The following PAQR8 variants were observed in gnomAD, a reference collection of about 807,000 sequenced individuals.
PAQR8 encodes the protein progestin and adipoQ receptor family member 8.
PAQR8 carries 17 observed loss-of-function variants against 25.2 expected under a neutral mutation model. That is an observed-to-expected ratio of 0.67 (90% CI 0.46 to 1.01). The LOEUF is 1.01. Among genes scored for constraint, PAQR8 ranks in the 50% least tolerant of loss-of-function variants. PAQR8 has a pLI of 0.00. For synonymous variants in PAQR8, 204 were observed against 190.6 expected (o/e 1.07, Z -0.58); for missense variants, 392 against 448.4 (o/e 0.87, Z 1.14).
At chr6:52,401,153 T>C (rs868059947) in intron 1 of PAQR8, among the ~76,000 whole-genome samples, 1 of 152,226 alleles carries the variant, frequency 6.6e-6, no homozygotes, top group African/African-American at 2.4e-5. Context: ...TTAATTTTCA[T>C]GCCCTACACT....
intron 1 of PAQR8, among the ~76,000 whole-genome samples, chr6:52,387,783 G>T (rs557205978): frequency 2.0e-5 from 3 of 152,366 alleles, no homozygotes; most frequent in African/African-American, 7.2e-5. Context: ...CAGTGGGCGA[G>T]TAAGCAAAGC....
At chr6:52,392,000 A>G (rs995166982) in intron 1 of PAQR8, among the ~76,000 whole-genome samples, 1 of 152,228 alleles carries the variant, frequency 6.6e-6, no homozygotes, top group Non-Finnish European at 1.5e-5. Context: ...AGAATTTTAC[A>G]GTATTAGAGC....
intron 1 of PAQR8, among the ~76,000 whole-genome samples, chr6:52,372,016 T>C (rs10484878): frequency 0.13 from 19,237 of 152,244 alleles, 1,636 homozygotes; most frequent in Non-Finnish European, 0.19. Context: ...CAGCACTCTA[T>C]CTAAGAAATC....
At chr6:52,373,140 A>G (rs4712004) in intron 1 of PAQR8, among the ~76,000 whole-genome samples, 28,601 of 152,150 alleles carry the variant, frequency 0.19, 3,447 homozygotes, top group East Asian at 0.33. Flanking sequence ...GTTGATTTCT[A>G]TGAATTCAAC....
chr6:52,404,226 C>T lies in PAQR8; in HGVS notation c.1013C>T (p.Ala338Val). Residue 338 changes from alanine to valine, a missense_variant, in exon 2 of 2, where the codon GCA becomes GTA. Ala to Val is a moderately conservative substitution (Grantham distance 64). Coordinates refer to ENST00000442253, the MANE Select transcript of PAQR8 (RefSeq NM_133367.5). ...CTGGCTGCCTGCAGTGCTGCCACCG[C>T]AGCCCTTCTGAGGCACAAAGTCAAG... is the stretch of plus-strand genomic sequence containing the variant. ...FFLAACSAAT[A>V]ALLRHKVKAR... is the part of the protein sequence containing the mutation. The T allele has an allele frequency of 1.2e-6, 2 of 1,613,060 alleles. No individual in the cohort carries two copies. Among genetic ancestry groups the T allele is most frequent in the Non-Finnish European group, 1.7e-6 (2 of 1,179,210 alleles).
At position 52,405,668 on chromosome 6, in the gene PAQR8, C is replaced by T. The variant is rs897647332; in HGVS notation, c.*1390C>T. ...AATGATTCCTGTCAGTATGAGGTCC[C>T]TTAGTTACTAAAAAGGGACATGATT... is the stretch of plus-strand genomic sequence containing the variant. On this transcript the variant is annotated 3_prime_UTR_variant, in exon 2 of 2. Transcript: ENST00000442253. 1.2e-5 allele frequency: 2 copies of T among 167,034 alleles called. No individual in the cohort carries two copies. The highest frequency in any genetic ancestry group is 4.8e-5 in the African/African-American group (2 of 41,432). The allele number at this position is 167,034 out of a possible 1,614,324, so 10.3% of individuals were successfully genotyped here. A position where few individuals can be genotyped will look rare whatever the true frequency, so the allele number is the denominator to read the frequency against.
chr6:52,362,643 T>G lies in PAQR8; in HGVS notation c.-53+394T>G, dbSNP rs1269880631. 1.3e-5 allele frequency among the ~76,000 whole-genome samples: 2 copies of G among 151,944 alleles called. No individual in the cohort carries two copies. Among genetic ancestry groups the G allele is most frequent in the East Asian group, 3.9e-4 (2 of 5,110 alleles). Reference sequence around the variant, plus strand: ...AGGCTGAGCCCGGAGGGCGGGAGATTCAGGACCAAGACGTGGGGGAGTCCG... The same window carrying G: ...AGGCTGAGCCCGGAGGGCGGGAGATGCAGGACCAAGACGTGGGGGAGTCCG... On this transcript the variant is annotated intron_variant, in intron 1 of 1. Coordinates refer to ENST00000442253, the MANE Select transcript of PAQR8 (RefSeq NM_133367.5). The surrounding 1 kb of genome is among the most constrained non-coding windows in gnomAD (Gnocchi z 4.1).
At chr6:52,384,959 A>T (rs149892032) in intron 1 of PAQR8, among the ~76,000 whole-genome samples, 8 of 152,364 alleles carry the variant, frequency 5.3e-5, no homozygotes, top group African/African-American at 1.9e-4. Context: ...CTGGCCAACC[A>T]TATGCAGAAG....
intron 1 of PAQR8, among the ~76,000 whole-genome samples, chr6:52,388,420 C>T (rs547309773): frequency 6.6e-6 from 1 of 151,718 alleles, no homozygotes; most frequent in African/African-American, 2.4e-5. Flanking sequence ...TTTGAATCAT[C>T]ATGAAACCAT....
intron 1 of PAQR8, among the ~76,000 whole-genome samples, chr6:52,384,889 A>C (rs563490660): frequency 3.9e-5 from 6 of 152,360 alleles, no homozygotes; most frequent in African/African-American, 1.2e-4. Context: ...TCTTTGATAA[A>C]GTTGACAAAA....
chr6:52,398,677 C>T lies in PAQR8; in HGVS notation c.-52-4485C>T, dbSNP rs867699896. On this transcript the variant is annotated intron_variant, in intron 1 of 1. Coordinates refer to ENST00000442253, the MANE Select transcript of PAQR8 (RefSeq NM_133367.5). ...CAAGTGATTCTCCTGCCTCAGCCTCCCTAGTAGCTGGGATTACAGGCACCG... is the reference window on the plus strand; with the variant it reads ...CAAGTGATTCTCCTGCCTCAGCCTCTCTAGTAGCTGGGATTACAGGCACCG... 5.9e-5 allele frequency among the ~76,000 whole-genome samples: 9 copies of T among 152,310 alleles called. No homozygotes were observed. The Middle Eastern group carries it at 0.01, about 173-fold the overall frequency.
At chr6:52,393,286 A>C (rs1194950124) in intron 1 of PAQR8, among the ~76,000 whole-genome samples, 1 of 152,056 alleles carries the variant, frequency 6.6e-6, no homozygotes. Flanking sequence ...GGTATGTGCT[A>C]AACATCATAT....
intron 1 of PAQR8, among the ~76,000 whole-genome samples, chr6:52,380,372 C>T (rs567541048): frequency 4.1e-4 from 62 of 152,286 alleles, no homozygotes; most frequent in Non-Finnish European, 6.8e-4. Flanking sequence ...AGTACATATT[C>T]GTGGGCAGCT....
intron 1 of PAQR8, among the ~76,000 whole-genome samples, chr6:52,374,053 C>T (rs1327112379): frequency 6.6e-6 from 1 of 152,168 alleles, no homozygotes; most frequent in Non-Finnish European, 1.5e-5. Context: ...CTCTCTTACT[C>T]CTGTTCCAGC....
intron 1 of PAQR8, among the ~76,000 whole-genome samples, chr6:52,366,438 G>A (rs954217385): frequency 6.6e-6 from 1 of 152,104 alleles, no homozygotes; most frequent in Non-Finnish European, 1.5e-5. Flanking sequence ...GAATTCATAT[G>A]GATTTTACTA....
At position 52,381,732 on chromosome 6, in the gene PAQR8, A is replaced by G. The variant is rs1372262562; in HGVS notation, c.-53+19483A>G. On this transcript the variant is annotated intron_variant, in intron 1 of 1. Transcript: ENST00000442253. ...AATTCTTATAAAATTACTGGCATAA[A>G]TGTAATATTTTGGGTGATTTAACAA... is the stretch of plus-strand genomic sequence containing the variant. 2.0e-5 allele frequency among the ~76,000 whole-genome samples: 3 copies of G among 152,232 alleles called. No homozygotes were observed. The South Asian group carries it at 6.2e-4, about 31-fold the overall frequency.
intron 1 of PAQR8, among the ~76,000 whole-genome samples, chr6:52,383,572 A>G (rs1235131155): frequency 3.3e-5 from 5 of 149,652 alleles, no homozygotes; most frequent in Non-Finnish European, 7.4e-5. Context: ...GAGGCAGGAG[A>G]ATGGCGTGAA....
Position 52,380,579 on chromosome 6 carries a change from T to C in PAQR8, c.-53+18330T>C, listed in dbSNP as rs538705638. On this transcript the variant is annotated intron_variant, in intron 1 of 1. Transcript: ENST00000442253. Reference sequence around the variant, plus strand: ...CCAAGGGTTTGATTTCTTTAGTTATTCCAAAATTTGCATGTTGTTGTTTGT... The same window carrying C: ...CCAAGGGTTTGATTTCTTTAGTTATCCCAAAATTTGCATGTTGTTGTTTGT... Among the ~76,000 whole-genome samples, 196 of 152,360 alleles carry C rather than the reference T, an allele frequency of 1.3e-3. 1 individual carries two copies. The highest frequency in any genetic ancestry group is 4.4e-3 in the African/African-American group (182 of 41,586).
chr6:52,386,244 G>A (rs1763631846), intron 1 of PAQR8, among the ~76,000 whole-genome samples: 1 of 152,112 alleles, frequency 6.6e-6, no homozygotes, highest in Non-Finnish European at 1.5e-5. Flanking sequence ...ATACAGTGTT[G>A]GTGAGAATGT....
Sources: allele counts gnomAD v4.1 joint callset (sites outside exome capture counted in the v4.1 genomes callset), GRCh38; gene constraint gnomAD v4.1.1; non-coding constraint Gnocchi (gnomAD v3.1); transcripts MANE v1.5; gene names NCBI Gene and HGNC (gene_info 2026-07-23, HGNC 2026-07-21).